The following KAZN variants were observed in gnomAD, a reference collection of about 807,000 sequenced individuals.
The protein encoded by KAZN is kazrin, periplakin interacting protein.
Under a neutral mutation model 87.4 loss-of-function variants are expected in KAZN, and 40 were observed. That is an observed-to-expected ratio of 0.46 (90% CI 0.36 to 0.60). The LOEUF (loss-of-function observed/expected upper bound fraction) is 0.60. Among genes scored for constraint, KAZN ranks in the 20% least tolerant of loss-of-function variants. The pLI, the probability that KAZN is intolerant of heterozygous loss-of-function variation, is 0.00. For synonymous variants in KAZN, 466 were observed against 458.3 expected, an observed-to-expected ratio of 1.02 and a Z score of -0.22; for missense variants, 898 against 1,073.9, an observed-to-expected ratio of 0.84 and a Z score of 2.29.
At chr1:14,424,285 G>T (rs749993956) in intron 2 of KAZN, among the ~76,000 whole-genome samples, 56 of 152,312 alleles carry the variant, frequency 3.7e-4, no homozygotes, top group Admixed American at 1.2e-3. Flanking sequence ...CTTCACGTAA[G>T]TTGCTTCATT....
chr1:14,206,969 C>CTT (rs35070539), intron 2 of KAZN, among the ~76,000 whole-genome samples: 42,621 of 145,554 alleles, frequency 0.29, 6,470 homozygotes, highest in East Asian at 0.49. Flanking sequence ...TTCTTTCTTT[C>CTT]TTTTTTTTTT....
chr1:14,791,299 C>T (rs1645666468), intron 1 of KAZN, among the ~76,000 whole-genome samples: 1 of 152,190 alleles, frequency 6.6e-6, no homozygotes, highest in African/African-American at 2.4e-5. Flanking sequence ...AGATAAGTGG[C>T]TTTGGAGGAG....
In KAZN at chr1:13,905,238, T is replaced by C. The variant is rs548709762; in HGVS notation, c.91+11482T>C. 2.0e-5 allele frequency among the ~76,000 whole-genome samples: 3 copies of C among 152,364 alleles called. No individual in the cohort carries two copies. In the East Asian group the frequency reaches 5.8e-4, roughly 29 times the overall value. On this transcript the variant is annotated intron_variant, in intron 1 of 16. Transcript: ENST00000636203. ...CAATTCTGGCACTCCTGAGTACATTTCTTCTGCTTTTCTGTTGACTCATGT... is the reference window on the plus strand; with the variant it reads ...CAATTCTGGCACTCCTGAGTACATTCCTTCTGCTTTTCTGTTGACTCATGT...
chr1:14,474,869 ATTAT>A (rs1668633959), intron 2 of KAZN, among the ~76,000 whole-genome samples: 1 of 152,168 alleles, frequency 6.6e-6, no homozygotes, highest in African/African-American at 2.4e-5. Context: ...ACAAAAATTG[ATTAT>A]TTAATTAATG....
chr1:14,071,118 G>A (rs998205692), intron 1 of KAZN, among the ~76,000 whole-genome samples: 6 of 152,102 alleles, frequency 3.9e-5, no homozygotes, highest in African/African-American at 1.2e-4. Context: ...AAGCCCATGT[G>A]TACAATCATA....
chr1:14,685,418 G>T (rs1242858987), intron 1 of KAZN, among the ~76,000 whole-genome samples: 1 of 152,232 alleles, frequency 6.6e-6, no homozygotes, highest in Non-Finnish European at 1.5e-5. Flanking sequence ...GGCCTCAGAT[G>T]AAGAAATGCG....
intron 2 of KAZN, among the ~76,000 whole-genome samples, chr1:14,374,925 T>G (rs758338088): frequency 6.6e-6 from 1 of 152,180 alleles, no homozygotes; most frequent in Non-Finnish European, 1.5e-5. Flanking sequence ...ACAAGTCCTA[T>G]TGAGCTCGTC....
intron 1 of KAZN, among the ~76,000 whole-genome samples, chr1:14,012,713 G>T (rs146798057): frequency 6.6e-6 from 1 of 152,180 alleles, no homozygotes; most frequent in Admixed American, 6.5e-5. Flanking sequence ...GCTGAGGCAC[G>T]AGAATCACTT....
chr1:14,922,042 A>C (rs1658581902), intron 1 of KAZN, among the ~76,000 whole-genome samples: 1 of 152,238 alleles, frequency 6.6e-6, no homozygotes, highest in South Asian at 2.1e-4. Flanking sequence ...TATGGAGTTA[A>C]GAGGAAAGCA....
chr1:14,167,309 C>T (rs906494635), intron 1 of KAZN, among the ~76,000 whole-genome samples: 9 of 152,184 alleles, frequency 5.9e-5, no homozygotes, highest in African/African-American at 2.2e-4. Flanking sequence ...TAGAGAGAAT[C>T]GCCTCCCCTC....
At chr1:14,181,120 G>A (rs978271102) in intron 2 of KAZN, among the ~76,000 whole-genome samples, 3 of 152,088 alleles carry the variant, frequency 2.0e-5, no homozygotes, top group East Asian at 3.8e-4. Flanking sequence ...CTATTTTATC[G>A]AAATATTTAA....
At chr1:15,026,197 A>G (rs1466555157) in intron 2 of KAZN, among the ~76,000 whole-genome samples, 1 of 152,030 alleles carries the variant, frequency 6.6e-6, no homozygotes, top group Non-Finnish European at 1.5e-5. Flanking sequence ...GGGGCCTCCT[A>G]GAGCCTGAGC....
At chr1:13,950,140 G>C (rs1002432564) in intron 1 of KAZN, among the ~76,000 whole-genome samples, 1 of 152,202 alleles carries the variant, frequency 6.6e-6, no homozygotes, top group Non-Finnish European at 1.5e-5. Flanking sequence ...TCATGCACCT[G>C]CTGCTTTGTT....
intron 1 of KAZN, among the ~76,000 whole-genome samples, chr1:14,695,532 G>GTTTTTTTTTTTTTTTT (rs1641553827): frequency 2.4e-5 from 1 of 41,162 alleles, no homozygotes; most frequent in East Asian, 7.0e-4. Flanking sequence ...TTTTGATGGA[G>GTTTTTTTTTTTTTTTT]TCTTGCACTG....
chr1:15,083,629 C>T (rs1185430544), intron 8 of KAZN, among the ~76,000 whole-genome samples: 1 of 152,014 alleles, frequency 6.6e-6, no homozygotes, highest in African/African-American at 2.4e-5. Context: ...CTGTCTTTCC[C>T]GATCACAGGC....
At chr1:14,948,355 A>G (rs1310561676) in intron 1 of KAZN, among the ~76,000 whole-genome samples, 1 of 152,186 alleles carries the variant, frequency 6.6e-6, no homozygotes, top group Non-Finnish European at 1.5e-5. Flanking sequence ...TCCCAATGGC[A>G]AGACAGCTGC....
At chr1:14,314,599 A>C (rs1318251576) in intron 2 of KAZN, among the ~76,000 whole-genome samples, 1 of 152,148 alleles carries the variant, frequency 6.6e-6, no homozygotes, top group Non-Finnish European at 1.5e-5. Flanking sequence ...CAATCACTGC[A>C]TCCTCATTCT....
chr1:15,103,378 C>A lies in KAZN; in HGVS notation c.1799C>A (p.Ala600Asp). ...FSREALQERR[A>D]RCETQNIDPV... Reference sequence around the variant, plus strand: ...CACAAGGCCCTCCAGGAGCGCCGGGCCCGCTGCGAGACGCAGAACATTGAC... The same window carrying A: ...CACAAGGCCCTCCAGGAGCGCCGGGACCGCTGCGAGACGCAGAACATTGAC... The change falls in exon 12 of 15, where the codon GCC (alanine) becomes GAC (aspartate). Residue 600 changes from alanine to aspartate, a missense_variant. Physicochemically the swap from Ala to Asp is moderately radical, Grantham distance 126. Around this residue, in one of 3 missense-constraint regions of KAZN, gnomAD observed 521 missense variants for 689.4 expected, o/e 0.76. Transcript: ENST00000376030. 6.4e-7 allele frequency: 1 copy of A among 1,551,772 alleles called. No homozygotes were observed. The highest frequency in any genetic ancestry group is 8.7e-7 in the Non-Finnish European group (1 of 1,147,076).
At chr1:14,091,192 C>T (rs1226591727) in intron 1 of KAZN, among the ~76,000 whole-genome samples, 2 of 151,888 alleles carry the variant, frequency 1.3e-5, no homozygotes, top group Admixed American at 1.3e-4. Flanking sequence ...TGGTATATTG[C>T]CATGCAAACC....
Sources: allele counts gnomAD v4.1 joint callset (sites outside exome capture counted in the v4.1 genomes callset), GRCh38; gene constraint gnomAD v4.1.1; regional missense constraint gnomAD v4.1.1; transcripts MANE v1.5; gene names NCBI Gene and HGNC (gene_info 2026-07-23, HGNC 2026-07-21).